The following GALNT9 variants were observed in gnomAD, a reference collection of about 807,000 sequenced individuals.
GALNT9 encodes the protein GalNAc transferase 9.
GALNT9 carries 47 observed loss-of-function variants against 63.1 expected under a neutral mutation model. That is an observed-to-expected ratio of 0.75 (90% CI 0.59 to 0.95). GALNT9 has a LOEUF of 0.95. GALNT9 is among the 40% of genes least tolerant of loss of function. The pLI is 0.00. For synonymous variants in GALNT9, 396 were observed against 365.7 expected (o/e 1.08, Z -0.94); for missense variants, 829 against 874.8 (o/e 0.95, Z 0.66).
chr12:132,218,318 G>A lies in GALNT9; in HGVS notation c.1078-14628C>T, dbSNP rs949815321. On this transcript the variant is annotated intron_variant, in intron 6 of 10. Coordinates refer to ENST00000328957, the MANE Select transcript of GALNT9 (RefSeq NM_001122636.2). ...GGATGCACCAGAGGTCCAGGCTGAC[G>A]CGGACGGAAACCCAGGCATCCTGAC... 7.9e-5 allele frequency among the ~76,000 whole-genome samples: 12 copies of A among 152,240 alleles called. 1 individual carries two copies. The South Asian group carries it at 1.2e-3, about 16-fold the overall frequency.
chr12:132,288,462 T>G (rs1555242402), intron 1 of GALNT9, among the ~76,000 whole-genome samples: 1 of 152,254 alleles, frequency 6.6e-6, no homozygotes, highest in South Asian at 2.1e-4. Context: ...CATTTTTCAC[T>G]TTGGAAAGTC....
intron 5 of GALNT9, among the ~76,000 whole-genome samples, chr12:132,257,161 C>T (rs1156617855): frequency 6.6e-6 from 1 of 152,198 alleles, no homozygotes; most frequent in African/African-American, 2.4e-5. Flanking sequence ...CTCTGAATTT[C>T]ACTGATTTTT....
intron 6 of GALNT9, among the ~76,000 whole-genome samples, chr12:132,213,019 G>A (rs1297793019): frequency 7.2e-6 from 1 of 139,314 alleles, no homozygotes; most frequent in Non-Finnish European, 1.5e-5. Context: ...AACCCCACCC[G>A]AGTCTACAGC....
At chr12:132,266,530 G>A (rs1555240219) in intron 2 of GALNT9, among the ~76,000 whole-genome samples, 2 of 152,228 alleles carry the variant, frequency 1.3e-5, no homozygotes, top group Non-Finnish European at 1.5e-5. Flanking sequence ...GGTGGAGGCC[G>A]AGACTCGAAT....
chr12:132,226,005 CCCA>C (rs1217032943), intron 6 of GALNT9, among the ~76,000 whole-genome samples: 1 of 139,580 alleles, frequency 7.2e-6, no homozygotes, highest in Admixed American at 7.1e-5. Context: ...CCCCACACAC[CCCA>C]CATTGTACAC....
intron 2 of GALNT9, chr12:132,277,793 G>A (rs28709594): frequency 0.048 from 7,290 of 152,276 alleles, 278 homozygotes; most frequent in Admixed American, 0.11. Flanking sequence ...AAGCTCCCTC[G>A]CCCATTTCAC....
chr12:132,249,430 A>G (rs1484311412), intron 5 of GALNT9, among the ~76,000 whole-genome samples: 2 of 152,284 alleles, frequency 1.3e-5, no homozygotes, highest in Non-Finnish European at 2.9e-5. Flanking sequence ...CGATTGTCCA[A>G]GAATAGCAGG....
At chr12:132,207,274 G>A (rs2135511131) in intron 6 of GALNT9, among the ~76,000 whole-genome samples, 1 of 152,292 alleles carries the variant, frequency 6.6e-6, no homozygotes, top group African/African-American at 2.4e-5. Flanking sequence ...CAGGGTTTCT[G>A]TCGCTTCTGC....
At chr12:132,299,443 C>A (rs1881209024) in intron 1 of GALNT9, among the ~76,000 whole-genome samples, 2 of 138,738 alleles carry the variant, frequency 1.4e-5, no homozygotes, top group Non-Finnish European at 3.1e-5. Flanking sequence ...ATAACTAACC[C>A]ACTCCCACCA....
intron 1 of GALNT9, among the ~76,000 whole-genome samples, chr12:132,304,654 C>G (rs1555244364): frequency 2.3e-5 from 1 of 44,260 alleles, no homozygotes; most frequent in Non-Finnish European, 4.2e-5. Context: ...CCCGGACACA[C>G]CCTCACCCGG....
At chr12:132,240,618 C>A in intron 6 of GALNT9, 1 of 455,328 alleles carries the variant, frequency 2.2e-6, no homozygotes, top group Non-Finnish European at 4.4e-6. Context: ...CCCCGGGGCT[C>A]GGCTGTGCTC....
intron 6 of GALNT9, among the ~76,000 whole-genome samples, chr12:132,223,152 AACCCACACACCACAC>A (rs1877537468): frequency 8.1e-5 from 1 of 12,284 alleles, no homozygotes; most frequent in Non-Finnish European, 2.3e-4. Context: ...CACACCACAC[AACCCACACACCACAC>A]AACCCACACC....
intron 6 of GALNT9, among the ~76,000 whole-genome samples, chr12:132,211,955 A>C (rs1876971526): frequency 6.6e-6 from 1 of 152,210 alleles, no homozygotes; most frequent in Admixed American, 6.5e-5. Context: ...TATTCAGTGG[A>C]TGTGAGGTGC....
In GALNT9 at chr12:132,319,918, C is replaced by G. The variant is rs557416471; in HGVS notation, c.238+9048G>C. Among the ~76,000 whole-genome samples the G allele has an allele frequency of 6.6e-6, 1 of 152,356 alleles. No homozygotes were observed. Among genetic ancestry groups the G allele is most frequent in the Admixed American group, 6.5e-5 (1 of 15,314 alleles). On this transcript the variant is annotated intron_variant, in intron 1 of 10. Coordinates refer to ENST00000328957, the MANE Select transcript of GALNT9 (RefSeq NM_001122636.2). This position sits in a 1 kb window ranked among gnomAD's most constrained non-coding sequence, Gnocchi z 5.2. ...GCACTCACTGACCCCGCCATGCAGG[C>G]GGGCACACGAGGCAGGCGCTCCTAA...
chr12:132,295,700 A>G (rs2135570156), intron 1 of GALNT9, among the ~76,000 whole-genome samples: 1 of 152,376 alleles, frequency 6.6e-6, no homozygotes, highest in South Asian at 2.1e-4. Flanking sequence ...CCCAGCCAGC[A>G]CCGTGATTCT....
intron 1 of GALNT9, among the ~76,000 whole-genome samples, chr12:132,326,409 C>T (rs1215812600): frequency 6.6e-6 from 1 of 152,150 alleles, no homozygotes; most frequent in East Asian, 1.9e-4. Context: ...AATGAACATC[C>T]CTCTGGGGCC....
chr12:132,326,936 C>A (rs538576985), intron 1 of GALNT9, among the ~76,000 whole-genome samples: 2 of 152,222 alleles, frequency 1.3e-5, no homozygotes, highest in Non-Finnish European at 2.9e-5. Context: ...AGGGCCCCAC[C>A]GGGGGTGAGA....
At position 132,225,013 on chromosome 12, in the gene GALNT9, AC is replaced by A. The variant is rs1186578046; in HGVS notation, c.1078-21324del. Among the ~76,000 whole-genome samples the A allele has an allele frequency of 7.6e-3, 728 of 95,454 alleles. 3 individuals carry two copies. The highest frequency in any genetic ancestry group is 0.011 in the Non-Finnish European group (537 of 48,252). 62.6% of individuals were successfully genotyped at this position (95,454 alleles called of 152,430 possible). A position where few individuals can be genotyped will look rare whatever the true frequency, so the allele number is the denominator to read the frequency against. On this transcript the variant is annotated intron_variant, in intron 6 of 10. Coordinates refer to ENST00000328957, the MANE Select transcript of GALNT9 (RefSeq NM_001122636.2). ...TACACACCCTATACACTATACGTACACCCCCCCCACACACCACATAACCCAC... is the reference window on the plus strand; with the variant it reads ...TACACACCCTATACACTATACGTACACCCCCCCACACACCACATAACCCAC...
At chr12:132,269,948 G>A (rs577460202) in intron 2 of GALNT9, among the ~76,000 whole-genome samples, 39 of 152,310 alleles carry the variant, frequency 2.6e-4, no homozygotes, top group Non-Finnish European at 4.6e-4. Context: ...CAGCACAGAC[G>A]GACCCTCTCA....
Sources: allele counts gnomAD v4.1 joint callset (sites outside exome capture counted in the v4.1 genomes callset), GRCh38; gene constraint gnomAD v4.1.1; non-coding constraint Gnocchi (gnomAD v3.1); transcripts MANE v1.5; gene names NCBI Gene and HGNC (gene_info 2026-07-23, HGNC 2026-07-21).